The following RIT2 variants were observed in gnomAD, a reference collection of about 807,000 sequenced individuals.
RIT2 encodes Ras like without CAAX 2.
In RIT2, 24 loss-of-function variants were observed where a neutral mutation model predicts 23.7. The observed-to-expected ratio is 1.01, with a 90% CI of 0.73 to 1.43. The LOEUF is 1.43. Among genes scored for constraint, RIT2 ranks in the 40% most tolerant of loss-of-function variants. RIT2 has a pLI of 0.00. For missense variants in RIT2, 236 were observed against 266.9 expected, an observed-to-expected ratio of 0.88 and a Z score of 0.81; for synonymous variants, 107 against 91.1, an observed-to-expected ratio of 1.17 and a Z score of -0.99.
intron 2 of RIT2, among the ~76,000 whole-genome samples, chr18:42,997,695 T>A (rs1911017608): frequency 6.6e-6 from 1 of 150,756 alleles, no homozygotes; most frequent in African/African-American, 2.4e-5. Context: ...TGAAAAAAAA[T>A]CACGTCTCTC....
chr18:42,838,965 G>A (rs1906691904), intron 4 of RIT2, among the ~76,000 whole-genome samples: 1 of 152,248 alleles, frequency 6.6e-6, no homozygotes, highest in South Asian at 2.1e-4. Flanking sequence ...AGCAACTTCC[G>A]ACAACAAGAC....
rs1005889523 is a variant in RIT2 at position 42,873,335 on chromosome 18, A to G, written c.426+50237T>C. Among the ~76,000 whole-genome samples the G allele has an allele frequency of 5.9e-5, 9 of 152,282 alleles. No individual in the cohort carries two copies. The South Asian group carries it at 1.0e-3, about 18-fold the overall frequency. The stretch of plus-strand genomic sequence containing the variant: ...TATAGTGGAAAAACATTTAAAGTCT[A>G]TACTTTTCATACATTAAAGTCCCTA... On this transcript the variant is annotated intron_variant, in intron 4 of 4. Coordinates refer to ENST00000326695, the MANE Select transcript of RIT2 (RefSeq NM_002930.4).
chr18:43,014,300 CA>C, intron 2 of RIT2, among the ~76,000 whole-genome samples: 1 of 151,524 alleles, frequency 6.6e-6, no homozygotes, highest in East Asian at 1.9e-4. Context: ...ATATTAAGTA[CA>C]AAAAGAAATA....
intron 2 of RIT2, among the ~76,000 whole-genome samples, chr18:42,983,615 CAT>C (rs1299797848): frequency 6.6e-6 from 1 of 151,922 alleles, no homozygotes; most frequent in Non-Finnish European, 1.5e-5. Flanking sequence ...ACAAAAAACT[CAT>C]GTTTAACATA....
At chr18:43,083,937 G>A (rs1913219103) in intron 1 of RIT2, among the ~76,000 whole-genome samples, 1 of 152,116 alleles carries the variant, frequency 6.6e-6, no homozygotes, top group Non-Finnish European at 1.5e-5. Flanking sequence ...TATCATCAGA[G>A]TGAACAGGCA....
intron 2 of RIT2, among the ~76,000 whole-genome samples, chr18:43,026,810 T>C (rs115667000): frequency 0.013 from 2,003 of 151,492 alleles, 43 homozygotes; most frequent in African/African-American, 0.046. Flanking sequence ...GAGAGAAATA[T>C]AAGATGGAGA....
intron 3 of RIT2, among the ~76,000 whole-genome samples, chr18:42,953,633 T>C (rs1909905645): frequency 6.6e-6 from 1 of 152,148 alleles, no homozygotes; most frequent in Non-Finnish European, 1.5e-5. Flanking sequence ...CACAAAGACA[T>C]ATCTGAGAGG....
rs1343372355 is a variant in RIT2, at chr18:43,014,257, TGAA to T, written c.160+19551_160+19553del. On this transcript the variant is annotated intron_variant, in intron 2 of 4. Coordinates refer to ENST00000326695, the MANE Select transcript of RIT2 (RefSeq NM_002930.4). ...ACTTCAGACACATAGATTCACTTTT[TGAA>T]GAAGAACTGTGGAAGGAGGAGAGGC... Among the ~76,000 whole-genome samples, 5 of 151,876 alleles carry T rather than the reference TGAA, an allele frequency of 3.3e-5. No homozygotes were observed. In the South Asian group the frequency reaches 1.0e-3, roughly 32 times the overall value.
At chr18:42,898,684 A>G (rs2040300) in intron 4 of RIT2, among the ~76,000 whole-genome samples, 28,689 of 152,102 alleles carry the variant, frequency 0.19, 2,979 homozygotes, top group African/African-American at 0.27. Flanking sequence ...CCTGCTCCAG[A>G]ATCCGATTCT....
chr18:42,856,115 C>T (rs897293900), intron 4 of RIT2, among the ~76,000 whole-genome samples: 3 of 152,168 alleles, frequency 2.0e-5, no homozygotes, highest in African/African-American at 4.8e-5. Context: ...TCATAGAGAC[C>T]AGAATCCCTT....
At chr18:42,743,782 C>T (rs1057292385) in intron 4 of RIT2, 62 bp from the exon 5 acceptor site, 47 of 1,275,336 alleles carry the variant, frequency 3.7e-5, no homozygotes, top group African/African-American at 1.1e-4. Flanking sequence ...ATTAAAAATA[C>T]GTTCTCTACT....
At chr18:42,874,913 A>G (rs1279783850) in intron 4 of RIT2, among the ~76,000 whole-genome samples, 1 of 152,130 alleles carries the variant, frequency 6.6e-6, no homozygotes, top group East Asian at 1.9e-4. Flanking sequence ...TGAGAATCAC[A>G]CTGCAGAGCC....
At chr18:43,111,670 T>A (rs1211780515) in intron 1 of RIT2, among the ~76,000 whole-genome samples, 1 of 152,206 alleles carries the variant, frequency 6.6e-6, no homozygotes, top group Non-Finnish European at 1.5e-5. Flanking sequence ...CTAGTCCTCA[T>A]CCTATACATT....
intron 4 of RIT2, among the ~76,000 whole-genome samples, chr18:42,826,632 C>T (rs923837212): frequency 1.3e-5 from 2 of 151,872 alleles, no homozygotes; most frequent in African/African-American, 4.8e-5. Context: ...CAAGAAGATA[C>T]AGGCAGTACG....
chr18:42,763,717 T>C (rs1040250711), intron 4 of RIT2, among the ~76,000 whole-genome samples: 1 of 152,230 alleles, frequency 6.6e-6, no homozygotes, highest in African/African-American at 2.4e-5. Context: ...TTTTATTTTT[T>C]ATAACTTTTT....
At chr18:42,770,714 T>C (rs891449928) in intron 4 of RIT2, among the ~76,000 whole-genome samples, 2 of 151,984 alleles carry the variant, frequency 1.3e-5, no homozygotes, top group African/African-American at 4.8e-5. Flanking sequence ...GGGTTGGAAC[T>C]TAAAATAGCA....
chr18:43,101,518 C>A (rs1404239311), intron 1 of RIT2, among the ~76,000 whole-genome samples: 1 of 152,000 alleles, frequency 6.6e-6, no homozygotes, highest in East Asian at 1.9e-4. Context: ...TGAGAAGAAG[C>A]CCTGTGTCGT....
chr18:43,018,644 C>T (rs962424517), intron 2 of RIT2, among the ~76,000 whole-genome samples: 13 of 151,678 alleles, frequency 8.6e-5, no homozygotes, highest in African/African-American at 3.1e-4. Context: ...AAGAAAAAAC[C>T]AAAACCAAAA....
intron 4 of RIT2, among the ~76,000 whole-genome samples, chr18:42,856,141 A>G (rs1014856298): frequency 1.3e-5 from 2 of 152,252 alleles, no homozygotes; most frequent in Non-Finnish European, 2.9e-5. Flanking sequence ...TAAACCATCC[A>G]TAAAGCCTAA....
Sources: allele counts gnomAD v4.1 joint callset (sites outside exome capture counted in the v4.1 genomes callset), GRCh38; gene constraint gnomAD v4.1.1; transcripts MANE v1.5; gene names NCBI Gene and HGNC (gene_info 2026-07-23, HGNC 2026-07-21).